The following TCERG1L variants were observed in gnomAD, a reference collection of about 807,000 sequenced individuals.
TCERG1L encodes transcription elongation regulator 1-like protein.
Under a neutral mutation model 56.3 loss-of-function variants are expected in TCERG1L, and 37 were observed. That is an observed-to-expected ratio of 0.66 (90% CI 0.51 to 0.87). The LOEUF (loss-of-function observed/expected upper bound fraction) is 0.87. TCERG1L is among the 40% of genes least tolerant of loss of function. The pLI is 0.00. For missense variants in TCERG1L, 799 were observed against 774.2 expected (o/e 1.03, Z -0.38); for synonymous variants, 324 against 326.3 (o/e 0.99, Z 0.08).
chr10:131,283,929 G>T (rs1162144897), intron 3 of TCERG1L, among the ~76,000 whole-genome samples: 1 of 151,762 alleles, frequency 6.6e-6, no homozygotes, highest in Non-Finnish European at 1.5e-5. Context: ...TCGAGACCAG[G>T]CTGGCCAACA....
In TCERG1L at chr10:131,124,812, G is replaced by A. The variant is rs1459846930; in HGVS notation, c.1260-7878C>T. ...AATAAAATGCGTGGTCTCTGAGCTC[G>A]GAACCTGGGCTTTCCCACTGTGTGC... On this transcript the variant is annotated intron_variant, in intron 8 of 11. Transcript: ENST00000368642. Among the ~76,000 whole-genome samples the A allele has an allele frequency of 5.3e-5, 8 of 152,206 alleles. No individual in the cohort carries two copies. In the South Asian group the frequency reaches 6.2e-4, roughly 12 times the overall value.
chr10:131,291,458 G>A (rs1239088875), intron 3 of TCERG1L, among the ~76,000 whole-genome samples: 5 of 84,012 alleles, frequency 6.0e-5, no homozygotes, highest in South Asian at 8.0e-4. Flanking sequence ...ACGGAGTCTC[G>A]CTGTGTCTCC....
intron 3 of TCERG1L, among the ~76,000 whole-genome samples, chr10:131,306,511 A>G (rs1264336314): frequency 1.3e-5 from 2 of 152,148 alleles, no homozygotes; most frequent in African/African-American, 4.8e-5. Flanking sequence ...TATCATGTTT[A>G]TAAGAAATAT....
At chr10:131,133,692 ACAGGCAAGGCAGGGCAGACCAG>A (rs1421483281) in intron 8 of TCERG1L, among the ~76,000 whole-genome samples, 5 of 152,118 alleles carry the variant, frequency 3.3e-5, no homozygotes, top group Non-Finnish European at 5.9e-5. Flanking sequence ...TCTGAAACTC[ACAGGCAAGGCAGGGCAGACCAG>A]CAGCCACACA....
chr10:131,217,337 T>C (rs1016485665), intron 4 of TCERG1L, among the ~76,000 whole-genome samples: 2 of 152,170 alleles, frequency 1.3e-5, no homozygotes, highest in East Asian at 1.9e-4. Flanking sequence ...GTAAGTTTCC[T>C]GAGGCCTCTG....
intron 8 of TCERG1L, among the ~76,000 whole-genome samples, chr10:131,126,355 G>A (rs766272754): frequency 8.5e-5 from 13 of 152,224 alleles, no homozygotes; most frequent in Non-Finnish European, 1.6e-4. Context: ...ACCATGCTGA[G>A]AGGCAGGCTC....
chr10:131,247,462 T>G (rs146178202), intron 4 of TCERG1L, among the ~76,000 whole-genome samples: 4 of 152,280 alleles, frequency 2.6e-5, no homozygotes, highest in African/African-American at 9.6e-5. Context: ...CTTCCTTAAG[T>G]GTCCTCAGTC....
At position 131,197,250 on chromosome 10, in the gene TCERG1L, C is replaced by T. The variant is rs185296739; in HGVS notation, c.857-30365G>A. On this transcript the variant is annotated intron_variant, in intron 4 of 11. Coordinates refer to ENST00000368642, the MANE Select transcript of TCERG1L (RefSeq NM_174937.4). ...AGGCTGCAGTGCAATGGCAAGATCT[C>T]GGCTCAGTGCAAGCTCCGCCTCCCA... 1.2e-3 allele frequency among the ~76,000 whole-genome samples: 189 copies of T among 151,416 alleles called. 1 individual carries two copies. The Middle Eastern group carries it at 0.017, about 14-fold the overall frequency.
chr10:131,230,190 C>T (rs1342870380), intron 4 of TCERG1L, among the ~76,000 whole-genome samples: 2 of 152,162 alleles, frequency 1.3e-5, no homozygotes, highest in African/African-American at 4.8e-5. Flanking sequence ...TCCCCCAGGA[C>T]AGCAGACGCC....
chr10:131,295,528 T>C (rs1846680787), intron 3 of TCERG1L, among the ~76,000 whole-genome samples: 1 of 152,238 alleles, frequency 6.6e-6, no homozygotes, highest in South Asian at 2.1e-4. Context: ...CGATCATGGA[T>C]TCAACTTGCA....
intron 9 of TCERG1L, 55 bp downstream of exon 9, chr10:131,116,744 T>C (rs1177588566): frequency 7.1e-6 from 11 of 1,540,364 alleles, no homozygotes; most frequent in Non-Finnish European, 7.8e-6. Flanking sequence ...GCCACTCAGC[T>C]GCTGTTCCCC....
At chr10:131,179,888 G>C (rs1453937993) in intron 4 of TCERG1L, among the ~76,000 whole-genome samples, 2 of 152,192 alleles carry the variant, frequency 1.3e-5, no homozygotes, top group Non-Finnish European at 2.9e-5. Flanking sequence ...CCACCAGCAG[G>C]TCTGGAGTCC....
In TCERG1L at chr10:131,246,677, C is replaced by T. The variant is rs1195385722; in HGVS notation, c.856+13582G>A. Among the ~76,000 whole-genome samples, 3 of 149,958 alleles carry T rather than the reference C, an allele frequency of 2.0e-5. No individual in the cohort carries two copies. In the Admixed American group the frequency reaches 2.0e-4, roughly 10 times the overall value. ...TGGGTGCCTGCCTGAGCCAGAACTC[C>T]GGGATGACTCAGGGATGCGGCAGAA... On this transcript the variant is annotated intron_variant, in intron 4 of 11. Coordinates refer to ENST00000368642, the MANE Select transcript of TCERG1L (RefSeq NM_174937.4).
chr10:131,271,158 ACCT>A, intron 3 of TCERG1L, among the ~76,000 whole-genome samples: 1 of 147,548 alleles, frequency 6.8e-6, no homozygotes. Flanking sequence ...TGCCTCCAGA[ACCT>A]GCCTCCAGAA....
chr10:131,138,794 G>A (rs554785484), intron 7 of TCERG1L, among the ~76,000 whole-genome samples: 1 of 152,064 alleles, frequency 6.6e-6, no homozygotes, highest in Non-Finnish European at 1.5e-5. Flanking sequence ...CATACTGAAC[G>A]CCACTGAATT....
intron 4 of TCERG1L, among the ~76,000 whole-genome samples, chr10:131,226,307 G>A (rs1186522498): frequency 1.3e-5 from 2 of 152,132 alleles, no homozygotes; most frequent in African/African-American, 2.4e-5. Flanking sequence ...GAACTCCTGG[G>A]CTCAAGTAAT....
intron 4 of TCERG1L, among the ~76,000 whole-genome samples, chr10:131,184,871 A>G (rs1845219561): frequency 6.6e-6 from 1 of 152,174 alleles, no homozygotes; most frequent in South Asian, 2.1e-4. Context: ...GCAAGAACAA[A>G]ATGGCACCAA....
intron 8 of TCERG1L, among the ~76,000 whole-genome samples, chr10:131,126,341 G>A (rs539137137): frequency 5.4e-4 from 83 of 152,314 alleles, no homozygotes; most frequent in African/African-American, 1.6e-3. Flanking sequence ...CTCCTGGACC[G>A]TCCACCATGC....
chr10:131,300,271 G>C (rs983991257), intron 3 of TCERG1L, among the ~76,000 whole-genome samples: 3 of 152,096 alleles, frequency 2.0e-5, no homozygotes, highest in Admixed American at 2.0e-4. Context: ...TGGATTTATA[G>C]TTTCATAATG....
Sources: allele counts gnomAD v4.1 joint callset (sites outside exome capture counted in the v4.1 genomes callset), GRCh38; gene constraint gnomAD v4.1.1; transcripts MANE v1.5; gene names NCBI Gene and HGNC (gene_info 2026-07-23, HGNC 2026-07-21).